Variants in PRL observed in about 807,000 individuals in gnomAD.
PRL encodes the protein prolactin.
PRL carries 24 observed loss-of-function variants against 21.3 expected under a neutral mutation model. The observed-to-expected ratio is 1.13, with a 90% confidence interval of 0.82 to 1.59. PRL has a LOEUF of 1.59. Among genes scored for constraint, PRL ranks in the 40% most tolerant of loss-of-function variants. The pLI, the probability that PRL is intolerant of heterozygous loss-of-function variation, is 0.00. For missense variants in PRL, 243 were observed against 286.9 expected, an observed-to-expected ratio of 0.85 and a Z score of 1.10; for synonymous variants, 118 against 115.7, an observed-to-expected ratio of 1.02 and a Z score of -0.13.
At chr6:22,290,462 T>C in intron 3 of PRL, 109 bp from the exon 4 acceptor site, 1 of 862,728 alleles carries the variant, frequency 1.2e-6, no homozygotes. Flanking sequence ...TTTTTATTCC[T>C]ATGTGTAGGT....
intron 1 of PRL, among the ~76,000 whole-genome samples, chr6:22,296,654 T>A (rs1045023993): frequency 6.6e-6 from 1 of 152,250 alleles, no homozygotes; most frequent in Non-Finnish European, 1.5e-5. Flanking sequence ...GGATGTTCAG[T>A]AGCATCTCTC....
rs1198662221 is a variant in PRL at position 22,290,243 on chromosome 6, T to C, written c.423A>G (p.Leu141=). The change falls in exon 4 of 5, where the codon CTA becomes CTG. Residue 141 remains leucine, a synonymous_variant. Coordinates refer to ENST00000306482, the MANE Select transcript of PRL (RefSeq NM_000948.6). ...GCTCCTCAATCTCTACAGCTTTGGA[T>C]AGGATAGCCTCCGGGGCTTCTTGCA... ...RGMQEAPEAI[L]SKAVEIEEQT... The C allele has an allele frequency of 2.5e-6, 4 of 1,612,936 alleles. No individual in the cohort carries two copies. The Admixed American group carries it at 5.0e-5, about 20-fold the overall frequency.
chr6:22,290,521 A>G (rs942842395), intron 3 of PRL, among the ~76,000 whole-genome samples, 168 bp from the exon 4 acceptor site: 6 of 152,130 alleles, frequency 3.9e-5, no homozygotes, highest in African/African-American at 1.4e-4. Flanking sequence ...AATTGAAACT[A>G]TTGGCCTAAA....
At chr6:22,291,486 T>A (rs146761795) in intron 3 of PRL, among the ~76,000 whole-genome samples, 4 of 152,308 alleles carry the variant, frequency 2.6e-5, no homozygotes, top group African/African-American at 9.6e-5. Context: ...TCTGACAATG[T>A]AGTACAAGTT....
At chr6:22,294,375 C>T in intron 2 of PRL, 34 bp downstream of exon 2, 1 of 1,611,234 alleles carries the variant, frequency 6.2e-7, no homozygotes, top group Non-Finnish European at 8.5e-7. Flanking sequence ...TGTGAAGGCT[C>T]CTTCAGGGAG....
rs1761071146 is a variant in PRL at position 22,292,537 on chromosome 6, C to G, written c.312+1G>C. On this transcript the variant is annotated splice_donor_variant, in intron 3 of 4. Coordinates refer to ENST00000306482, the MANE Select transcript of PRL (RefSeq NM_000948.6). LOFTEE classifies it high-confidence loss of function. ...GTGCAAAGCCTGGATGAAGGACTCA[C>G]ATTCATCTGTTGGGCTTGCTCCTTG... is the stretch of plus-strand genomic sequence containing the variant. The G allele has an allele frequency of 6.2e-7, 1 of 1,613,686 alleles. No homozygotes were observed. The highest frequency in any genetic ancestry group is 8.5e-7 in the Non-Finnish European group (1 of 1,179,658).
At chr6:22,294,723 G>T in intron 1 of PRL, 139 bp from the exon 2 acceptor site, 3 of 908,312 alleles carry the variant, frequency 3.3e-6, no homozygotes, top group Non-Finnish European at 4.8e-6. Context: ...TGGGATGGGG[G>T]AAGAACAAAC....
At chr6:22,295,445 G>A (rs1037056859) in intron 1 of PRL, among the ~76,000 whole-genome samples, 6 of 152,156 alleles carry the variant, frequency 3.9e-5, no homozygotes, top group South Asian at 2.1e-4. Flanking sequence ...ATGAGTAGCC[G>A]TGATGGCTCA....
In PRL at chr6:22,288,474, G is replaced by A. The variant is rs1474626; in HGVS notation, c.493-881C>T. Among the ~76,000 whole-genome samples, 1,225 of 152,118 alleles carry A rather than the reference G, an allele frequency of 8.1e-3. 18 individuals carry two copies. Among genetic ancestry groups the A allele is most frequent in the African/African-American group, 0.027 (1,139 of 41,484 alleles). On this transcript the variant is annotated intron_variant, in intron 4 of 4. Coordinates refer to ENST00000306482, the MANE Select transcript of PRL (RefSeq NM_000948.6). The surrounding 1 kb of genome is among the most constrained non-coding windows in gnomAD (Gnocchi z 4.5). Reference sequence around the variant, plus strand: ...CGCTTGAACCCAGGAGGCAGAGATTGTGGTGAGCCGAGATGACACCACTAC... The same window carrying A: ...CGCTTGAACCCAGGAGGCAGAGATTATGGTGAGCCGAGATGACACCACTAC...
chr6:22,292,659 G>C lies in PRL; in HGVS notation c.205-14C>G, dbSNP rs747463754. ...ATACCGTTTATCCTGGAAATGATGA[G>C]ACAAATTCAATTAGTTGGGGTTGTT... On this transcript the variant is annotated splice_polypyrimidine_tract_variant and intron_variant, in intron 2 of 4. Coordinates refer to ENST00000306482, the MANE Select transcript of PRL (RefSeq NM_000948.6). The C allele has an allele frequency of 1.2e-6, 2 of 1,603,558 alleles. No individual in the cohort carries two copies. The highest frequency in any genetic ancestry group is 1.7e-6 in the Non-Finnish European group (2 of 1,172,364).
At chr6:22,287,704 T>G (rs932228799) in intron 4 of PRL, 111 bp from the exon 5 acceptor site, 2 of 1,009,456 alleles carry the variant, frequency 2.0e-6, no homozygotes, top group African/African-American at 3.3e-5. Context: ...AATGCAAAGT[T>G]TTAGACAAAG....
upstream of PRL, among the ~76,000 whole-genome samples, chr6:22,300,432 A>G (rs542155126): frequency 2.5e-4 from 38 of 152,348 alleles, no homozygotes; most frequent in African/African-American, 9.1e-4. Flanking sequence ...CAAATAAGGC[A>G]AAGAAGGAGC....
chr6:22,294,105 C>T (rs564431781), intron 2 of PRL, among the ~76,000 whole-genome samples: 2 of 152,278 alleles, frequency 1.3e-5, no homozygotes, highest in African/African-American at 4.8e-5. Context: ...GAAATCAACA[C>T]TCTTCCTTCT....
upstream of PRL, among the ~76,000 whole-genome samples, chr6:22,302,330 A>G (rs541212971): frequency 9.3e-4 from 142 of 152,150 alleles, 3 homozygotes; most frequent in South Asian, 0.028. Context: ...AAAATAGAAA[A>G]AAAAAAAGGA....
At chr6:22,289,311 TC>T (rs1193827185) in intron 4 of PRL, among the ~76,000 whole-genome samples, 3 of 152,210 alleles carry the variant, frequency 2.0e-5, no homozygotes, top group Non-Finnish European at 4.4e-5. Flanking sequence ...ACAAAATTGT[TC>T]CTGTTATTAT....
At chr6:22,287,632 A>G (rs1171946764) in intron 4 of PRL, 39 bp from the exon 5 acceptor site, 10 of 1,491,928 alleles carry the variant, frequency 6.7e-6, no homozygotes, top group Non-Finnish European at 9.1e-6. Context: ...TCTTCATATT[A>G]TTAGTATTTG....
At chr6:22,299,395 TC>T (rs1171971285), upstream of PRL, among the ~76,000 whole-genome samples, 6 of 152,238 alleles carry the variant, frequency 3.9e-5, no homozygotes, top group Non-Finnish European at 8.8e-5. Context: ...TGCCATCTTT[TC>T]TAAAGAACGC....
At chr6:22,292,923 C>T (rs539804609) in intron 2 of PRL, among the ~76,000 whole-genome samples, 14 of 152,106 alleles carry the variant, frequency 9.2e-5, no homozygotes, top group Non-Finnish European at 1.5e-4. Context: ...ACAAGTCACA[C>T]GAGTTGCTAT....
rs202185238 is a variant in PRL at position 22,290,239 on chromosome 6, T to A, written c.427A>T (p.Lys143Ter). ...MQEAPEAILS[K>*]AVEIEEQTKR... ...GTTTGCTCCTCAATCTCTACAGCTT[T>A]GGATAGGATAGCCTCCGGGGCTTCT... The change falls in exon 4 of 5, where the codon AAA (lysine) becomes TAA (stop). Residue 143 changes from lysine (K) to a stop codon, truncating the protein, a stop_gained. Transcript: ENST00000306482. LOFTEE classifies it high-confidence loss of function. The A allele has an allele frequency of 3.7e-6, 6 of 1,612,762 alleles. No individual in the cohort carries two copies. Among genetic ancestry groups the A allele is most frequent in the Non-Finnish European group, 5.1e-6 (6 of 1,179,064 alleles).
Sources: allele counts gnomAD v4.1 joint callset (sites outside exome capture counted in the v4.1 genomes callset), GRCh38; gene constraint gnomAD v4.1.1; non-coding constraint Gnocchi (gnomAD v3.1); transcripts MANE v1.5; gene names NCBI Gene and HGNC (gene_info 2026-07-23, HGNC 2026-07-21).